Variants in INO80 observed in about 807,000 individuals in gnomAD.
INO80 encodes the protein INO80 complex ATPase subunit.
In INO80, 20 loss-of-function variants were observed where a neutral mutation model predicts 203.4. The ratio of observed to expected loss-of-function variants is 0.10; its 90% CI spans 0.07 to 0.14. The LOEUF (loss-of-function observed/expected upper bound fraction) is 0.14. Among genes scored for constraint, INO80 ranks in the 10% least tolerant of loss-of-function variants. The pLI is 1.00. For missense variants in INO80, 1,419 were observed against 1,914.4 expected (o/e 0.74, Z 4.83); for synonymous variants, 726 against 685.2 (o/e 1.06, Z -0.93).
chr15:41,008,224 T>TACACACACACAC (rs71104765), intron 27 of INO80, among the ~76,000 whole-genome samples: 1,886 of 148,902 alleles, frequency 0.013, 36 homozygotes, highest in African/African-American at 0.042. Context: ...TATATATACA[T>TACACACACACAC]ACACACACAC....
chr15:41,115,958 G>T lies in INO80; in HGVS notation c.-44+15C>A. Reference sequence around the variant, plus strand: ...ACCCCCACTCCGTTCGCCCGCCCACGTCTAGTTGCCTCACCTCGGGCCGCC... The same window carrying T: ...ACCCCCACTCCGTTCGCCCGCCCACTTCTAGTTGCCTCACCTCGGGCCGCC... On this transcript the variant is annotated intron_variant, in intron 1 of 35. Transcript: ENST00000648947. 2 of 384,002 alleles carry T rather than the reference G, an allele frequency of 5.2e-6. No homozygotes were observed. The allele number at this position is 384,002 out of a possible 1,614,324, so 23.8% of individuals were successfully genotyped here. A position where few individuals can be genotyped will look rare whatever the true frequency, so the allele number is the denominator to read the frequency against.
intron 1 of INO80, among the ~76,000 whole-genome samples, chr15:41,102,807 T>A (rs2045829100): frequency 6.6e-6 from 1 of 152,254 alleles, no homozygotes; most frequent in Admixed American, 6.5e-5. Context: ...TGACTCTTGC[T>A]TTTGGATACT....
intron 35 of INO80, 99 bp downstream of exon 35, chr15:40,982,763 T>C: frequency 1.0e-6 from 1 of 972,696 alleles, no homozygotes; most frequent in Non-Finnish European, 1.5e-6. Context: ...GGAAGAAAGC[T>C]CCCGGCTTCA....
In INO80 at chr15:40,984,213, G is replaced by C; in HGVS notation, c.4061C>G (p.Pro1354Arg). 6.2e-7 allele frequency: 1 copy of C among 1,613,546 alleles called. No individual in the cohort carries two copies. Among genetic ancestry groups the C allele is most frequent in the Non-Finnish European group, 8.5e-7 (1 of 1,179,754 alleles). The change falls in exon 33 of 36, where the codon CCA becomes CGA. Residue 1354 changes from proline (P) to arginine (R), a missense_variant. Pro to Arg is a moderately radical substitution (Grantham distance 103). Coordinates refer to ENST00000648947, the MANE Select transcript of INO80 (RefSeq NM_017553.3). ...DSFISVDSAM[P>R]SPFSEISISS... is the part of the protein sequence containing the mutation. ...GAGCCTCACCTCACTGAAAGGGCTT[G>C]GCATGGCTGAGTCCACGCTAATGAA...
chr15:41,036,185 A>C (rs1178521854), intron 24 of INO80, among the ~76,000 whole-genome samples: 17 of 145,508 alleles, frequency 1.2e-4, no homozygotes, highest in African/African-American at 3.9e-4. Context: ...AAAAAAAAAA[A>C]CCCAAAAAAA....
Position 41,027,593 on chromosome 15 carries a change from T to C in INO80, c.3048+3A>G. On this transcript the variant is annotated splice_donor_region_variant and intron_variant, in intron 25 of 35. Coordinates refer to ENST00000648947, the MANE Select transcript of INO80 (RefSeq NM_017553.3). ...TTCATCTCTTCCCTCCTGGAGCACT[T>C]ACTCGTGGACTGGCCACACACAAAA... is the stretch of plus-strand genomic sequence containing the variant. The C allele has an allele frequency of 1.9e-6, 3 of 1,595,666 alleles. No individual in the cohort carries two copies. The highest frequency in any genetic ancestry group is 1.7e-4 in the Middle Eastern group (1 of 5,994).
intron 13 of INO80, among the ~76,000 whole-genome samples, chr15:41,069,996 G>A (rs1169700618): frequency 6.6e-6 from 1 of 152,076 alleles, no homozygotes; most frequent in African/African-American, 2.4e-5. Flanking sequence ...TAGGTATAGA[G>A]CTTTTGCTTT....
chr15:41,096,955 A>G (rs964936427), intron 1 of INO80, among the ~76,000 whole-genome samples: 1 of 152,260 alleles, frequency 6.6e-6, no homozygotes, highest in Admixed American at 6.5e-5. Flanking sequence ...GAGGGTGAGA[A>G]ACACAGGTAT....
At chr15:41,054,072 A>C in intron 18 of INO80, 58 bp from the exon 19 acceptor site, 1 of 1,343,356 alleles carries the variant, frequency 7.4e-7, no homozygotes, top group Non-Finnish European at 1.1e-6. Flanking sequence ...AAAACAACAG[A>C]AACAAATACC....
In INO80 at chr15:41,021,119, C is replaced by T. The variant is rs770816288; in HGVS notation, c.3055G>A (p.Ala1019Thr). ...FLCVASPRVTAVPLDSYCNDR... is the reference protein window; with the variant it reads ...FLCVASPRVTTVPLDSYCNDR... ...TTGCAGTAAGAATCCAATGGCACTG[C>T]GGTAACCTGCAGTTAAAGATTCACA... The change falls in exon 26 of 36, where the codon GCA becomes ACA. Residue 1019 changes from alanine to threonine, a missense_variant. Around this residue, in one of 9 missense-constraint regions of INO80, gnomAD observed 302 missense variants for 345.4 expected, o/e 0.87. Transcript: ENST00000648947. 9 of 1,611,352 alleles carry T rather than the reference C, an allele frequency of 5.6e-6. No individual in the cohort carries two copies. Among genetic ancestry groups the T allele is most frequent in the Admixed American group, 5.0e-5 (3 of 60,004 alleles).
rs73399095 is a variant in INO80 at position 41,100,622 on chromosome 15, A to G, written c.-43-4269T>C. 2.5e-3 allele frequency among the ~76,000 whole-genome samples: 385 copies of G among 152,256 alleles called. 2 individuals are homozygous for G. Among genetic ancestry groups the G allele is most frequent in the African/African-American group, 8.9e-3 (368 of 41,556 alleles). ...CCCTTATGTCCACAATACCACCAAA[A>G]AAAGGTGCTGTAAGCACAAAATTCT... On this transcript the variant is annotated intron_variant, in intron 1 of 35. Coordinates refer to ENST00000648947, the MANE Select transcript of INO80 (RefSeq NM_017553.3).
chr15:41,058,551 CTGTGTG>C (rs371784387), intron 16 of INO80, 82 bp downstream of exon 16: 22 of 872,640 alleles, frequency 2.5e-5, no homozygotes, highest in African/African-American at 1.1e-4. Context: ...ATATACAAGT[CTGTGTG>C]TGTGTGTGTG....
In INO80 at chr15:41,110,102, AAAAAG is replaced by A. The variant is rs879652379; in HGVS notation, c.-44+5866_-44+5870del. On this transcript the variant is annotated intron_variant, in intron 1 of 35. Transcript: ENST00000648947. ...AAGCGAAACTCCGTCTCAAAAAAAA[AAAAAG>A]AAAACTGGCTGTGGTTAAATGAATA... 1.2e-3 allele frequency among the ~76,000 whole-genome samples: 178 copies of A among 152,194 alleles called. 1 individual carries two copies. Among genetic ancestry groups the A allele is most frequent in the Non-Finnish European group, 1.0e-3 (71 of 68,010 alleles).
chr15:41,096,401 C>T, intron 1 of INO80, 48 bp from the exon 2 acceptor site: 7 of 1,330,138 alleles, frequency 5.3e-6, no homozygotes, highest in Non-Finnish European at 7.0e-6. Flanking sequence ...TATCCATTCT[C>T]CCTTTCTCTT....
intron 7 of INO80, among the ~76,000 whole-genome samples, chr15:41,084,263 A>G (rs2140635890): frequency 6.6e-6 from 1 of 152,126 alleles, no homozygotes; most frequent in Non-Finnish European, 1.5e-5. Context: ...AATTATATCA[A>G]AATAACATGT....
At chr15:41,012,821 G>A (rs2044152090) in intron 27 of INO80, among the ~76,000 whole-genome samples, 2 of 151,984 alleles carry the variant, frequency 1.3e-5, no homozygotes, top group South Asian at 2.1e-4. Flanking sequence ...CCATGTGAAA[G>A]AATACAACAT....
intron 1 of INO80, among the ~76,000 whole-genome samples, chr15:41,099,454 T>C (rs1448083968): frequency 2.6e-5 from 4 of 151,918 alleles, no homozygotes; most frequent in African/African-American, 9.7e-5. Flanking sequence ...TTGTAAATTG[T>C]CAGTCTTGGT....
At chr15:41,027,561 C>A in intron 25 of INO80, 35 bp downstream of exon 25, 1 of 1,541,668 alleles carries the variant, frequency 6.5e-7, no homozygotes, top group Non-Finnish European at 8.8e-7. Flanking sequence ...CTCCTATTGC[C>A]ATCTATTTCA....
Position 40,984,082 on chromosome 15 carries a change from C to T in INO80, c.4077+115G>A, listed in dbSNP as rs540048569. The T allele has an allele frequency of 3.4e-3, 4,724 of 1,371,754 alleles. 22 individuals carry two copies. The highest frequency in any genetic ancestry group is 0.012 in the South Asian group (883 of 74,708). The allele number at this position is 1,371,754 out of a possible 1,614,324, so 85.0% of individuals were successfully genotyped here. A position where few individuals can be genotyped will look rare whatever the true frequency, so the allele number is the denominator to read the frequency against. ...CCTTACAGACCTCATGTGCAACCTA[C>T]TTCAACAAGGCTGGAGAACTCCAGG... On this transcript the variant is annotated intron_variant, in intron 33 of 35. Transcript: ENST00000648947.
Sources: gnomAD v4.1 joint callset for allele counts (sites outside exome capture counted in the v4.1 genomes callset) on GRCh38, gnomAD v4.1.1 for gene constraint, gnomAD v4.1.1 regional missense constraint, MANE v1.5 for transcripts, NCBI Gene and HGNC (gene_info 2026-07-23, HGNC 2026-07-21) for gene names.